Variants in BMERB1 observed in about 807,000 individuals in gnomAD.
The protein encoded by BMERB1 is bMERB domain-containing protein 1.
Under a neutral mutation model 23.6 loss-of-function variants are expected in BMERB1, and 12 were observed. That is an observed-to-expected ratio of 0.51 (90% CI 0.33 to 0.82). BMERB1 has a LOEUF of 0.82. BMERB1 is among the 40% of genes least tolerant of loss of function. The pLI is 0.03. For missense variants in BMERB1, 247 were observed against 255.4 expected, an observed-to-expected ratio of 0.97 and a Z score of 0.22; for synonymous variants, 122 against 96.6, an observed-to-expected ratio of 1.26 and a Z score of -1.54.
chr16:15,516,480 T>G (rs113154983), intron 2 of BMERB1, among the ~76,000 whole-genome samples: 2,692 of 152,236 alleles, frequency 0.018, 80 homozygotes, highest in African/African-American at 0.062. Flanking sequence ...TGAAAAAGTT[T>G]TTTTAAAAAT....
At chr16:15,513,099 G>A (rs148825464) in intron 1 of BMERB1, among the ~76,000 whole-genome samples, 3 of 152,058 alleles carry the variant, frequency 2.0e-5, no homozygotes, top group East Asian at 3.9e-4. Context: ...CTCCTGCCCC[G>A]AGTCTCCCCC....
chr16:15,499,110 C>T (rs1376420943), intron 1 of BMERB1, among the ~76,000 whole-genome samples: 4 of 152,212 alleles, frequency 2.6e-5, no homozygotes, highest in Non-Finnish European at 5.9e-5. Flanking sequence ...GATTCCTCCC[C>T]AAATGGGCTA....
intron 1 of BMERB1, among the ~76,000 whole-genome samples, chr16:15,486,827 T>C (rs2051372997): frequency 6.6e-6 from 1 of 152,186 alleles, no homozygotes; most frequent in Admixed American, 6.6e-5. Flanking sequence ...CTGTGTGATC[T>C]TAGGCAAATT....
intron 4 of BMERB1, 109 bp from the exon 5 acceptor site, chr16:15,583,047 C>T (rs2031055190): frequency 1.2e-6 from 1 of 812,786 alleles, no homozygotes; most frequent in South Asian, 1.4e-5. Flanking sequence ...AACATACATG[C>T]CCCATCCACA....
intron 1 of BMERB1, among the ~76,000 whole-genome samples, chr16:15,455,503 C>T (rs1475266669): frequency 6.6e-6 from 1 of 151,736 alleles, no homozygotes; most frequent in East Asian, 2.0e-4. Flanking sequence ...CTCTGTTGCC[C>T]AGGCTGGAGT....
intron 2 of BMERB1, among the ~76,000 whole-genome samples, chr16:15,536,311 G>A (rs748054389): frequency 3.3e-5 from 5 of 151,928 alleles, no homozygotes; most frequent in Admixed American, 6.6e-5. Flanking sequence ...CAGCCCCCCC[G>A]CCTCTGGATG....
At chr16:15,560,952 C>CTTTTTTTTT (rs1166759122) in intron 2 of BMERB1, among the ~76,000 whole-genome samples, 19 of 106,640 alleles carry the variant, frequency 1.8e-4, no homozygotes, top group African/African-American at 3.7e-4. Context: ...TTCTCTGCTG[C>CTTTTTTTTT]TTTTTTTTTT....
chr16:15,560,930 C>G (rs2150969613), intron 2 of BMERB1, among the ~76,000 whole-genome samples: 1 of 148,216 alleles, frequency 6.7e-6, no homozygotes, highest in East Asian at 1.9e-4. Flanking sequence ...ACATCATTTT[C>G]TCTTTCCTTT....
intron 1 of BMERB1, among the ~76,000 whole-genome samples, chr16:15,465,250 T>C (rs754051924): frequency 1.8e-4 from 28 of 152,100 alleles, no homozygotes; most frequent in Middle Eastern, 3.4e-3. Flanking sequence ...CAAACGGATA[T>C]AAATCAGCAA....
rs2051378997 is a variant in BMERB1 at position 15,487,582 on chromosome 16, T to TC, written c.107-27723_107-27722insC. Among the ~76,000 whole-genome samples the TC allele has an allele frequency of 2.6e-5, 4 of 152,194 alleles. No individual in the cohort carries two copies. The South Asian group carries it at 8.3e-4, about 32-fold the overall frequency. ...ATAGAGTAAAATGAAAGCAAGTTTA[T>TC]TTATTAAGTTTCTTAAGTTATTAAG... On this transcript the variant is annotated intron_variant, in intron 1 of 5. Transcript: ENST00000300006.
chr16:15,587,511 TGCCTGGAGGGG>T lies in BMERB1; in HGVS notation c.*690_*700del. 1 of 448,034 alleles carries T rather than the reference TGCCTGGAGGGG, an allele frequency of 2.2e-6. No homozygotes were observed. Among genetic ancestry groups the T allele is most frequent in the South Asian group, 1.6e-5 (1 of 63,792 alleles). 27.8% of individuals were successfully genotyped at this position (448,034 alleles called of 1,614,324 possible). ...GTGCTCTCAGTCTGCCTCAGGTGTGTGCCTGGAGGGGGCCTGGACTGGCATGGATCCAGTGT... is the reference window on the plus strand; with the variant it reads ...GTGCTCTCAGTCTGCCTCAGGTGTGTGCCTGGACTGGCATGGATCCAGTGT... On this transcript the variant is annotated 3_prime_UTR_variant, in exon 6 of 6. Transcript: ENST00000300006.
At chr16:15,521,108 ATGGATTTGAGACTGAGCTCCCATCTCCT>A (rs2051848032) in intron 2 of BMERB1, among the ~76,000 whole-genome samples, 1 of 152,016 alleles carries the variant, frequency 6.6e-6, no homozygotes, top group African/African-American at 2.4e-5. Context: ...GGTCAGGGAG[ATGGATTTGAGACTGAGCTCCCATCTCCT>A]TGGCTGCAGC....
chr16:15,546,522 T>C (rs1016813417), intron 2 of BMERB1, among the ~76,000 whole-genome samples: 8 of 152,168 alleles, frequency 5.3e-5, no homozygotes, highest in Non-Finnish European at 1.0e-4. Context: ...GGAGGGAGTT[T>C]CTATTTCTGT....
At chr16:15,451,876 C>G (rs1022805664) in intron 1 of BMERB1, among the ~76,000 whole-genome samples, 1 of 151,324 alleles carries the variant, frequency 6.6e-6, no homozygotes, top group East Asian at 1.9e-4. Flanking sequence ...GCATCTGGCT[C>G]TCTGAGTATT....
intron 1 of BMERB1, among the ~76,000 whole-genome samples, chr16:15,471,095 C>G (rs990727681): frequency 2.6e-5 from 4 of 152,056 alleles, no homozygotes; most frequent in Non-Finnish European, 5.9e-5. Context: ...CCTCGGCCTC[C>G]CAAAGTGCTA....
At chr16:15,477,396 A>G (rs1166400817) in intron 1 of BMERB1, among the ~76,000 whole-genome samples, 2 of 152,170 alleles carry the variant, frequency 1.3e-5, no homozygotes, top group Admixed American at 6.6e-5. Context: ...GGGAATTACA[A>G]TTCAAGGTGA....
intron 2 of BMERB1, among the ~76,000 whole-genome samples, chr16:15,535,605 G>A (rs1469646842): frequency 1.4e-5 from 2 of 147,642 alleles, no homozygotes; most frequent in Admixed American, 6.9e-5. Context: ...AGCTGAGATC[G>A]TGCCACAGTA....
intron 1 of BMERB1, among the ~76,000 whole-genome samples, chr16:15,481,911 A>G (rs2051324031): frequency 6.7e-6 from 1 of 149,590 alleles, no homozygotes; most frequent in East Asian, 2.0e-4. Context: ...TTTTTTTTTT[A>G]GTAGAGACGG....
At chr16:15,509,718 G>C (rs1222784542) in intron 1 of BMERB1, among the ~76,000 whole-genome samples, 1 of 152,116 alleles carries the variant, frequency 6.6e-6, no homozygotes. Context: ...CTGTGTGCAG[G>C]ATCTCAAGCC....
Sources: allele counts gnomAD v4.1 joint callset (sites outside exome capture counted in the v4.1 genomes callset), GRCh38; gene constraint gnomAD v4.1.1; transcripts MANE v1.5; gene names NCBI Gene and HGNC (gene_info 2026-07-23, HGNC 2026-07-21).